The following ITPR2 variants were observed in gnomAD, a reference collection of about 807,000 sequenced individuals.
ITPR2 encodes inositol 1,4,5-trisphosphate-gated calcium channel ITPR2.
A neutral mutation model predicts 317.1 loss-of-function variants in ITPR2; 207 were observed. That is an observed-to-expected ratio of 0.65 (90% CI 0.58 to 0.73). ITPR2 has a LOEUF of 0.73. Among genes scored for constraint, ITPR2 ranks in the 30% least tolerant of loss-of-function variants. The pLI is 0.00. For missense variants in ITPR2, 2,613 were observed against 3,284.0 expected (o/e 0.80, Z 4.99); for synonymous variants, 1,156 against 1,149.1 (o/e 1.01, Z -0.12).
intron 2 of ITPR2, among the ~76,000 whole-genome samples, chr12:26,767,869 T>C (rs761205604): frequency 1.3e-5 from 2 of 152,252 alleles, no homozygotes; most frequent in African/African-American, 2.4e-5. Context: ...TTCAACATTA[T>C]TTATACTTAT....
intron 37 of ITPR2, among the ~76,000 whole-genome samples, chr12:26,536,606 G>T (rs1344643859): frequency 6.6e-6 from 1 of 152,226 alleles, no homozygotes; most frequent in Non-Finnish European, 1.5e-5. Context: ...TCATGGAGTA[G>T]CAGCAATTAC....
chr12:26,656,607 A>G (rs1947373208), intron 18 of ITPR2, 59 bp from the exon 19 acceptor site: 2 of 1,555,120 alleles, frequency 1.3e-6, no homozygotes, highest in Non-Finnish European at 8.8e-7. Flanking sequence ...TTTAAACGTC[A>G]TAGTACCAAT....
At chr12:26,683,534 GACC>G (rs1300229879) in intron 11 of ITPR2, among the ~76,000 whole-genome samples, 1 of 152,158 alleles carries the variant, frequency 6.6e-6, no homozygotes, top group African/African-American at 2.4e-5. Flanking sequence ...TAGTGCTGTT[GACC>G]ACAAGTTCAA....
chr12:26,662,972 G>A (rs912106364), intron 15 of ITPR2, among the ~76,000 whole-genome samples: 1 of 152,090 alleles, frequency 6.6e-6, no homozygotes, highest in Non-Finnish European at 1.5e-5. Flanking sequence ...CACCTGGTTT[G>A]TATTTTTAAG....
chr12:26,399,932 G>A (rs1940118564), intron 53 of ITPR2, among the ~76,000 whole-genome samples, 196 bp downstream of exon 53: 2 of 152,122 alleles, frequency 1.3e-5, no homozygotes, highest in African/African-American at 2.4e-5. Context: ...ACCACTCTAC[G>A]AACACACAAA....
chr12:26,618,696 C>G (rs1946426388), intron 26 of ITPR2, among the ~76,000 whole-genome samples: 1 of 152,190 alleles, frequency 6.6e-6, no homozygotes, highest in South Asian at 2.1e-4. Context: ...CATACAACAG[C>G]TTTCACAGCA....
intron 45 of ITPR2, among the ~76,000 whole-genome samples, chr12:26,448,294 C>T (rs568978992): frequency 6.6e-6 from 1 of 151,118 alleles, no homozygotes; most frequent in African/African-American, 2.4e-5. Flanking sequence ...AGAAAACTAA[C>T]CAACAATCAA....
intron 37 of ITPR2, among the ~76,000 whole-genome samples, chr12:26,509,359 T>C (rs1473420552): frequency 6.6e-6 from 1 of 152,216 alleles, no homozygotes; most frequent in African/African-American, 2.4e-5. Flanking sequence ...AAACACTAAA[T>C]TGTACACTTT....
chr12:26,714,452 G>A (rs779336215), intron 8 of ITPR2, among the ~76,000 whole-genome samples: 4 of 151,954 alleles, frequency 2.6e-5, no homozygotes, highest in African/African-American at 4.8e-5. Context: ...TCATTCTCAT[G>A]TTGAAATACA....
At chr12:26,356,991 G>A (rs565227073) in intron 55 of ITPR2, among the ~76,000 whole-genome samples, 2 of 152,342 alleles carry the variant, frequency 1.3e-5, no homozygotes, top group South Asian at 2.1e-4. Context: ...AATACATGAT[G>A]AAGCCAGTCT....
intron 36 of ITPR2, 124 bp from the exon 37 acceptor site, chr12:26,550,479 A>G (rs1944497427): frequency 3.4e-6 from 2 of 592,332 alleles, no homozygotes; most frequent in Non-Finnish European, 5.9e-6. Context: ...AACCAGGTAC[A>G]TGTTTTCAAA....
At chr12:26,365,136 T>A (rs190165424) in intron 55 of ITPR2, among the ~76,000 whole-genome samples, 2 of 152,278 alleles carry the variant, frequency 1.3e-5, no homozygotes, top group East Asian at 3.9e-4. Flanking sequence ...TATTTTAGGG[T>A]TTACTAGCAA....
At chr12:26,686,854 G>A (rs1284289041) in intron 10 of ITPR2, among the ~76,000 whole-genome samples, 1 of 152,164 alleles carries the variant, frequency 6.6e-6, no homozygotes, top group South Asian at 2.1e-4. Flanking sequence ...GGCTTGATCT[G>A]CCCACATCAT....
chr12:26,665,969 T>C lies in ITPR2; in HGVS notation c.1492A>G (p.Ile498Val). The change falls in exon 14 of 57, where the codon ATC (isoleucine) becomes GTC (valine). Residue 498 changes from isoleucine (I) to valine (V), a missense_variant. This residue lies in a region of ITPR2 where 515 missense variants were observed against 789.4 expected (regional missense o/e 0.65). Coordinates refer to ENST00000381340, the MANE Select transcript of ITPR2 (RefSeq NM_002223.4). The stretch of plus-strand genomic sequence containing the variant: ...TGACGCTCTCGGTTTGGCTTAGTGA[T>C]AACCACATCCAGAACTTCTTGTCCA... ...NNGQEVLDVV[I>V]TKPNRERQKL... 6.2e-7 allele frequency: 1 copy of C among 1,613,972 alleles called. No individual in the cohort carries two copies. Among genetic ancestry groups the C allele is most frequent in the South Asian group, 1.1e-5 (1 of 91,072 alleles).
chr12:26,640,363 T>C (rs1004993014), intron 21 of ITPR2, among the ~76,000 whole-genome samples: 8 of 151,348 alleles, frequency 5.3e-5, no homozygotes, highest in African/African-American at 1.7e-4. Flanking sequence ...TCCCAGAACT[T>C]AAAAAAAAAT....
chr12:26,567,993 TATATTATATATATTATATATATATA>T (rs1356052764), intron 34 of ITPR2, among the ~76,000 whole-genome samples: 1 of 5,318 alleles, frequency 1.9e-4, no homozygotes, highest in African/African-American at 4.6e-4. Context: ...TATATATATA[TATATTATATATATTATATATATATA>T]TATATATATA....
chr12:26,613,391 TA>T, intron 26 of ITPR2, among the ~76,000 whole-genome samples: 1 of 152,292 alleles, frequency 6.6e-6, no homozygotes. Context: ...GTATAAAATC[TA>T]AAAATGATTG....
intron 1 of ITPR2, among the ~76,000 whole-genome samples, chr12:26,799,397 T>C (rs1167212253): frequency 6.6e-6 from 1 of 152,236 alleles, no homozygotes; most frequent in Non-Finnish European, 1.5e-5. Flanking sequence ...ATCACATGAC[T>C]ACAAGGAGAA....
In ITPR2 at chr12:26,578,797, C is replaced by T; in HGVS notation, c.4546G>A (p.Ala1516Thr). The T allele has an allele frequency of 3.9e-5, 63 of 1,610,064 alleles. No homozygotes were observed. Among genetic ancestry groups the T allele is most frequent in the Non-Finnish European group, 5.4e-5 (63 of 1,177,104 alleles). Residue 1516 changes from alanine to threonine, a missense_variant, in exon 34 of 57, where the codon GCC becomes ACC. By Grantham distance (58) the Ala-to-Thr change is moderately conservative. Around this residue, in one of 9 missense-constraint regions of ITPR2, gnomAD observed 926 missense variants for 1,072.8 expected, o/e 0.86. Transcript: ENST00000381340. ...QPVFIQLLQS[A>T]FRIYNCTWPN... is the part of the protein sequence containing the mutation. ...CAGGTGCAATTGTAAATTCTGAAGG[C>T]AGATTGCAGTAGCTGAATAAAAACT...
Sources: gnomAD v4.1 joint callset for allele counts (sites outside exome capture counted in the v4.1 genomes callset) on GRCh38, gnomAD v4.1.1 for gene constraint, gnomAD v4.1.1 regional missense constraint, MANE v1.5 for transcripts, NCBI Gene and HGNC (gene_info 2026-07-23, HGNC 2026-07-21) for gene names.